Variants in LRRTM4 observed in about 807,000 individuals in gnomAD.
The protein encoded by LRRTM4 is leucine rich repeat transmembrane neuronal 4.
A neutral mutation model predicts 47.6 loss-of-function variants in LRRTM4; 25 were observed. The observed-to-expected ratio is 0.53, with a 90% CI of 0.38 to 0.73. LRRTM4 has a LOEUF of 0.73. LRRTM4 is among the 30% of genes least tolerant of loss of function. The pLI is 0.00. For synonymous variants in LRRTM4, 311 were observed against 269.5 expected, an observed-to-expected ratio of 1.15 and a Z score of -1.51; for missense variants, 638 against 713.4, an observed-to-expected ratio of 0.89 and a Z score of 1.20.
At chr2:77,436,067 G>T (rs1374017001) in intron 3 of LRRTM4, among the ~76,000 whole-genome samples, 2 of 152,076 alleles carry the variant, frequency 1.3e-5, no homozygotes, top group Non-Finnish European at 2.9e-5. Context: ...TATATGAATA[G>T]GAGAGACATT....
chr2:77,410,564 T>C (rs539161270), intron 3 of LRRTM4, among the ~76,000 whole-genome samples: 26 of 152,222 alleles, frequency 1.7e-4, no homozygotes, highest in Admixed American at 1.4e-3. Context: ...GGAAAGTACA[T>C]TGAGGATGGG....
At chr2:77,174,458 G>T (rs1031420664) in intron 3 of LRRTM4, among the ~76,000 whole-genome samples, 5 of 152,124 alleles carry the variant, frequency 3.3e-5, no homozygotes. Context: ...GTTCTACCAA[G>T]GCTTTGAGTG....
intron 3 of LRRTM4, among the ~76,000 whole-genome samples, chr2:77,020,015 C>T (rs1423683356): frequency 6.6e-6 from 1 of 151,946 alleles, no homozygotes; most frequent in African/African-American, 2.4e-5. Flanking sequence ...GAAAATTTAT[C>T]TCCTAGGTTA....
intron 3 of LRRTM4, among the ~76,000 whole-genome samples, chr2:77,035,036 CTTT>C (rs1158870690): frequency 6.6e-6 from 1 of 151,530 alleles, no homozygotes; most frequent in Non-Finnish European, 1.5e-5. Context: ...AAAAAATAAT[CTTT>C]TATTTTTATT....
chr2:77,498,832 A>T (rs1047030395), intron 3 of LRRTM4, among the ~76,000 whole-genome samples: 11 of 151,852 alleles, frequency 7.2e-5, no homozygotes, highest in Non-Finnish European at 4.4e-5. Flanking sequence ...GAAGTATATC[A>T]TCCATGTCAT....
At chr2:76,824,115 T>A (rs1460406421) in intron 3 of LRRTM4, among the ~76,000 whole-genome samples, 3 of 151,526 alleles carry the variant, frequency 2.0e-5, no homozygotes. Context: ...TATCTCATAG[T>A]AACATAAAAA....
chr2:77,070,251 C>A (rs6725731), intron 3 of LRRTM4, among the ~76,000 whole-genome samples: 59,144 of 149,662 alleles, frequency 0.4, 13,694 homozygotes, highest in East Asian at 0.68. Flanking sequence ...AAATAAAATA[C>A]AATAAATGCT....
intron 3 of LRRTM4, among the ~76,000 whole-genome samples, chr2:77,372,781 G>T (rs1446532916): frequency 6.6e-6 from 1 of 151,520 alleles, no homozygotes; most frequent in Non-Finnish European, 1.5e-5. Context: ...AAATAACTGT[G>T]TGTGTTTGGT....
intron 3 of LRRTM4, among the ~76,000 whole-genome samples, chr2:77,310,643 C>A (rs541869971): frequency 6.6e-6 from 1 of 152,106 alleles, no homozygotes; most frequent in Non-Finnish European, 1.5e-5. Context: ...CTCCTTCAAT[C>A]GAACATGAAA....
At chr2:77,474,018 T>C (rs1677285681) in intron 3 of LRRTM4, among the ~76,000 whole-genome samples, 2 of 152,192 alleles carry the variant, frequency 1.3e-5, no homozygotes, top group Admixed American at 6.6e-5. Context: ...TGTTTTAATA[T>C]AGTCCCATAT....
chr2:76,786,134 T>C (rs1303473389), intron 3 of LRRTM4, among the ~76,000 whole-genome samples: 1 of 152,144 alleles, frequency 6.6e-6, no homozygotes, highest in Admixed American at 6.5e-5. Flanking sequence ...AACTTTGCCA[T>C]AATTGATAGG....
At chr2:77,094,223 G>A (rs1320589849) in intron 3 of LRRTM4, among the ~76,000 whole-genome samples, 6 of 152,030 alleles carry the variant, frequency 3.9e-5, no homozygotes, top group African/African-American at 9.7e-5. Context: ...GTAAATTTAA[G>A]CAAGGAGCTG....
At chr2:77,225,719 C>T (rs1043255578) in intron 3 of LRRTM4, among the ~76,000 whole-genome samples, 2 of 151,984 alleles carry the variant, frequency 1.3e-5, no homozygotes, top group Non-Finnish European at 2.9e-5. Flanking sequence ...TGATGAAATA[C>T]ACAATATAGC....
intron 3 of LRRTM4, among the ~76,000 whole-genome samples, chr2:77,320,528 G>A (rs1677758324): frequency 6.6e-6 from 1 of 152,114 alleles, no homozygotes; most frequent in South Asian, 2.1e-4. Flanking sequence ...AATTAAGAAA[G>A]TCTGTCTCAA....
At position 77,518,571 on chromosome 2, in the gene LRRTM4, AAGAG is replaced by A; in HGVS notation, c.1294_1297del (p.Leu432PhefsTer6). The A allele has an allele frequency of 6.2e-7, 1 of 1,613,478 alleles. No individual in the cohort carries two copies. Among genetic ancestry groups the A allele is most frequent in the Non-Finnish European group, 8.5e-7 (1 of 1,179,646 alleles). ...CAAGAGGATCATGGCCACTGAGAGA[AAGAG>A]AGCCACACTCCCGGCAATAATTTTG... On this transcript the variant is annotated frameshift_variant, in exon 3 of 4. Coordinates refer to ENST00000409884, the MANE Select transcript of LRRTM4 (RefSeq NM_001134745.3). LOFTEE classifies it high-confidence loss of function.
intron 3 of LRRTM4, among the ~76,000 whole-genome samples, chr2:77,485,408 G>A (rs1677871778): frequency 6.6e-6 from 1 of 152,052 alleles, no homozygotes; most frequent in Non-Finnish European, 1.5e-5. Context: ...TAATCTACAT[G>A]TAAAGAAAAC....
At chr2:77,374,647 A>G (rs1672766465) in intron 3 of LRRTM4, among the ~76,000 whole-genome samples, 1 of 151,788 alleles carries the variant, frequency 6.6e-6, no homozygotes, top group East Asian at 1.9e-4. Context: ...TTACTTTCAA[A>G]AGCTGTATAA....
At chr2:76,783,142 C>A (rs1171751142) in intron 3 of LRRTM4, among the ~76,000 whole-genome samples, 1 of 152,054 alleles carries the variant, frequency 6.6e-6, no homozygotes, top group Non-Finnish European at 1.5e-5. Flanking sequence ...GGGAAGAATT[C>A]ATATTCCACC....
intron 3 of LRRTM4, among the ~76,000 whole-genome samples, chr2:77,458,373 C>A (rs1446352803): frequency 6.6e-6 from 1 of 152,032 alleles, no homozygotes; most frequent in Non-Finnish European, 1.5e-5. Flanking sequence ...GAGCAGCAGG[C>A]ATTAGCTGGG....
Sources: gnomAD v4.1 joint callset for allele counts (sites outside exome capture counted in the v4.1 genomes callset) on GRCh38, gnomAD v4.1.1 for gene constraint, MANE v1.5 for transcripts, NCBI Gene and HGNC (gene_info 2026-07-23, HGNC 2026-07-21) for gene names.